Variants in UTY observed in about 807,000 individuals in gnomAD.
UTY encodes the protein ubiquitously transcribed tetratricopeptide repeat containing, Y-linked, also known as histone demethylase UTY.
A neutral mutation model predicts 32.5 loss-of-function variants in UTY; 12 were observed. That is an observed-to-expected ratio of 0.37 (90% CI 0.24 to 0.60). The LOEUF (loss-of-function observed/expected upper bound fraction) is 0.60, where lower values mean the gene tolerates loss of function less well. UTY is among the 20% of genes least tolerant of loss of function. UTY has a pLI of 0.69. For synonymous variants in UTY, 131 were observed against 103.4 expected (o/e 1.27, Z -1.62); for missense variants, 303 against 299.2 (o/e 1.01, Z -0.09).
intron 27 of UTY, among the ~76,000 whole-genome samples, chrY:13,285,728 T>C (rs762548787): frequency 5.9e-5 from 2 of 34,047 alleles, no homozygotes; most frequent in South Asian, 1.3e-3. Flanking sequence ...CTGGCCCCCA[T>C]GTCCAAAGGC....
chrY:13,465,699 G>A, intron 3 of UTY, among the ~76,000 whole-genome samples: 2 of 33,218 alleles, frequency 6.0e-5, no homozygotes, highest in Non-Finnish European at 1.5e-4. Flanking sequence ...TTGGCCTAAG[G>A]CTCATGAAAG....
chrY:13,458,302 T>C (rs2076977648), intron 3 of UTY, among the ~76,000 whole-genome samples: 2 of 32,737 alleles, frequency 6.1e-5, no homozygotes, highest in East Asian at 8.0e-4. Context: ...CTGGGTCAAA[T>C]GGTATTTCTA....
At position 13,260,260 on chromosome Y, in the gene UTY, G is replaced by A; in HGVS notation, c.4137+18C>T. 1 of 394,041 alleles carries A rather than the reference G, an allele frequency of 2.5e-6. No homozygotes were observed. Among genetic ancestry groups the A allele is most frequent in the Non-Finnish European group, 3.6e-6 (1 of 280,678 alleles). ...AGAATCCAAAACAAAACAACTATCA[G>A]TAGAAACAGTTACTCACCTCACAAA... On this transcript the variant is annotated intron_variant, in intron 28 of 29. Coordinates refer to ENST00000545955, the MANE Select transcript of UTY (RefSeq NM_001258249.2).
chrY:13,393,240 CCA>C (rs2067763948), intron 8 of UTY: 1 of 33,441 alleles, frequency 3.0e-5, no homozygotes, highest in Non-Finnish European at 7.4e-5. Context: ...ACCAACTCCA[CCA>C]CAAACTGTAA....
At chrY:13,477,925 ATCAG>A (rs2079240999) in intron 2 of UTY, among the ~76,000 whole-genome samples, 1 of 33,752 alleles carries the variant, frequency 3.0e-5, no homozygotes, top group Non-Finnish European at 7.3e-5. Context: ...TGTTTCATTT[ATCAG>A]TCAAATAAAG....
intron 21 of UTY, among the ~76,000 whole-genome samples, chrY:13,316,304 A>G: frequency 3.0e-5 from 1 of 33,542 alleles, no homozygotes; most frequent in Admixed American, 2.7e-4. Flanking sequence ...ATTTTGCTGT[A>G]CAACTTATTT....
At chrY:13,328,864 A>C in intron 18 of UTY, among the ~76,000 whole-genome samples, 1 of 33,553 alleles carries the variant, frequency 3.0e-5, no homozygotes, top group African/African-American at 1.2e-4. Flanking sequence ...TTTTATTATA[A>C]AGTGATTGTT....
intron 17 of UTY, among the ~76,000 whole-genome samples, chrY:13,342,336 A>G: frequency 3.0e-5 from 1 of 33,871 alleles, no homozygotes; most frequent in Non-Finnish European, 7.3e-5. Flanking sequence ...TACTGGTGTT[A>G]AAGCCCTCTG....
At chrY:13,414,454 A>AT (rs2071404320) in intron 5 of UTY, among the ~76,000 whole-genome samples, 1 of 34,203 alleles carries the variant, frequency 2.9e-5, no homozygotes, top group Non-Finnish European at 7.3e-5. Context: ...GTCAGTGCAT[A>AT]TTTAAGAATT....
intron 17 of UTY, among the ~76,000 whole-genome samples, chrY:13,337,745 G>C: frequency 3.0e-5 from 1 of 33,307 alleles, no homozygotes; most frequent in Non-Finnish European, 7.4e-5. Flanking sequence ...TAGGACAAAA[G>C]AGTCTATAAA....
chrY:13,463,927 C>A (rs2077646129), intron 3 of UTY, among the ~76,000 whole-genome samples: 1 of 33,979 alleles, frequency 2.9e-5, no homozygotes. Flanking sequence ...TTTAATTGGA[C>A]ATTACATGAA....
intron 27 of UTY, 22 bp downstream of exon 27, chrY:13,297,685 A>T: frequency 2.5e-6 from 1 of 398,284 alleles, no homozygotes; most frequent in Non-Finnish European, 3.5e-6. Flanking sequence ...GAGAAACTGC[A>T]GCAGTTTCAG....
chrY:13,478,456 G>C (rs767434393), intron 2 of UTY, among the ~76,000 whole-genome samples: 231 of 33,089 alleles, frequency 7.0e-3, no homozygotes, highest in African/African-American at 0.026. Flanking sequence ...GCAACATGAA[G>C]CTACGTCAGC....
intron 27 of UTY, among the ~76,000 whole-genome samples, chrY:13,270,242 A>T (rs2056215739): frequency 3.0e-5 from 1 of 33,658 alleles, no homozygotes; most frequent in Non-Finnish European, 7.4e-5. Flanking sequence ...CACTGGGCTC[A>T]TTCAACCTAA....
At position 13,326,364 on chromosome Y, in the gene UTY, C is replaced by A. The variant is rs2060252947; in HGVS notation, c.2835-14G>T. The A allele has an allele frequency of 1.1e-5, 4 of 379,967 alleles. No individual in the cohort carries two copies. Among genetic ancestry groups the A allele is most frequent in the Non-Finnish European group, 1.5e-5 (4 of 272,442 alleles). The allele number at this position is 379,967 out of a possible 400,897, so 94.8% of individuals were successfully genotyped here. Reference sequence around the variant, plus strand: ...TTACCTGGATTCCTTTAAAAAGAAGCAGAAGAAATGTATCAGTTACATATT... The same window carrying A: ...TTACCTGGATTCCTTTAAAAAGAAGAAGAAGAAATGTATCAGTTACATATT... On this transcript the variant is annotated splice_polypyrimidine_tract_variant and intron_variant, in intron 18 of 29. Coordinates refer to ENST00000545955, the MANE Select transcript of UTY (RefSeq NM_001258249.2).
chrY:13,335,045 C>A (rs2060955561), intron 18 of UTY, among the ~76,000 whole-genome samples: 4 of 33,203 alleles, frequency 1.2e-4, no homozygotes, highest in South Asian at 1.4e-3. Context: ...TGTGGAGACA[C>A]GGATGAAGCC....
At chrY:13,418,322 G>T in intron 4 of UTY, among the ~76,000 whole-genome samples, 1 of 31,738 alleles carries the variant, frequency 3.2e-5, no homozygotes, top group Non-Finnish European at 7.6e-5. Flanking sequence ...ATGGAGATTT[G>T]GGTTGGTTCC....
intron 9 of UTY, among the ~76,000 whole-genome samples, chrY:13,368,252 T>TTA (rs2064460096): frequency 4.0e-5 from 1 of 24,980 alleles, no homozygotes; most frequent in South Asian, 1.0e-3. Context: ...TTTTTTTTTT[T>TTA]ACTAGAGATG....
intron 21 of UTY, among the ~76,000 whole-genome samples, chrY:13,309,987 C>T (rs2058930404): frequency 3.1e-5 from 1 of 32,013 alleles, no homozygotes; most frequent in Admixed American, 2.9e-4. Context: ...GAGGCCGAGA[C>T]GGGCAGATCA....
Sources: allele counts gnomAD v4.1 joint callset (sites outside exome capture counted in the v4.1 genomes callset), GRCh38; gene constraint gnomAD v4.1.1; transcripts MANE v1.5; gene names NCBI Gene and HGNC (gene_info 2026-07-23, HGNC 2026-07-21).